The following SHANK2 variants were observed in gnomAD, a reference collection of about 807,000 sequenced individuals.
The protein encoded by SHANK2 is SH3 and multiple ankyrin repeat domains 2.
In SHANK2, 43 loss-of-function variants were observed where a neutral mutation model predicts 133.7. The observed-to-expected ratio is 0.32, with a 90% CI of 0.25 to 0.41. The LOEUF is 0.41. Among genes scored for constraint, SHANK2 ranks in the 10% least tolerant of loss-of-function variants. SHANK2 has a pLI of 1.00. For missense variants in SHANK2, 1,994 were observed against 2,235.8 expected, an observed-to-expected ratio of 0.89 and a Z score of 2.18; for synonymous variants, 1,017 against 952.8, an observed-to-expected ratio of 1.07 and a Z score of -1.24.
At chr11:71,073,142 C>CTTTTTTT (rs1951165821) in intron 9 of SHANK2, among the ~76,000 whole-genome samples, 2 of 41,132 alleles carry the variant, frequency 4.9e-5, no homozygotes, top group African/African-American at 9.1e-5. Flanking sequence ...TTTTCTTTTT[C>CTTTTTTT]TTTTCTTTTT....
Position 70,468,158 on chromosome 11 carries a change from CT to C in SHANK2, c.*4710del, listed in dbSNP as rs879982437. 5,086 of 146,958 alleles carry C rather than the reference CT, an allele frequency of 0.035. 224 individuals are homozygous for C. The highest frequency in any genetic ancestry group is 0.11 in the African/African-American group (4,535 of 40,282). 9.1% of individuals were successfully genotyped at this position (146,958 alleles called of 1,614,324 possible). A position where few individuals can be genotyped will look rare whatever the true frequency, so the allele number is the denominator to read the frequency against. On this transcript the variant is annotated 3_prime_UTR_variant, in exon 26 of 26. Coordinates refer to ENST00000601538, the MANE Select transcript of SHANK2 (RefSeq NM_012309.5). ...CAAGGCACACACTTTATTTTTTTTC[CT>C]TTTTTTTTTTCTTTTCTGTGTTTAT...
intron 3 of SHANK2, among the ~76,000 whole-genome samples, chr11:71,128,705 T>C (rs1418604508): frequency 1.3e-5 from 2 of 152,038 alleles, no homozygotes; most frequent in Non-Finnish European, 2.9e-5. Flanking sequence ...CATCTCTCTC[T>C]CCCCCGACAT....
At chr11:71,085,829 A>AT (rs1403983035) in intron 8 of SHANK2, among the ~76,000 whole-genome samples, 1,152 of 2,158 alleles carry the variant, frequency 0.53, 85 homozygotes, top group Admixed American at 0.55. Context: ...ATTATATAAT[A>AT]ATATTATACA....
At chr11:70,792,295 T>C (rs1393544817) in intron 14 of SHANK2, among the ~76,000 whole-genome samples, 13 of 137,252 alleles carry the variant, frequency 9.5e-5, no homozygotes, top group African/African-American at 1.7e-4. Flanking sequence ...AAGCAATCAA[T>C]CAACCAACCA....
chr11:70,609,799 C>T (rs188733727), intron 17 of SHANK2, among the ~76,000 whole-genome samples: 1 of 136,220 alleles, frequency 7.3e-6, no homozygotes, highest in African/African-American at 2.6e-5. Flanking sequence ...TATAGATATA[C>T]ATAATATATC....
intron 11 of SHANK2, among the ~76,000 whole-genome samples, chr11:70,871,248 G>A (rs1444906526): frequency 9.9e-5 from 15 of 152,224 alleles, no homozygotes; most frequent in Admixed American, 7.2e-4. Flanking sequence ...ACTTCAAAGG[G>A]GAGTCAGGGG....
At chr11:70,759,102 G>A (rs896842207) in intron 14 of SHANK2, among the ~76,000 whole-genome samples, 2 of 152,078 alleles carry the variant, frequency 1.3e-5, no homozygotes, top group African/African-American at 4.8e-5. Flanking sequence ...AGGTTGCAGT[G>A]AGCAGTGAGC....
intron 11 of SHANK2, chr11:70,863,922 G>A (rs373322959): frequency 4.5e-5 from 20 of 446,716 alleles, no homozygotes; most frequent in Non-Finnish European, 7.6e-5. Context: ...ACAGGCGTCC[G>A]CCCCCACAAC....
rs111266150 is a variant in SHANK2 at position 70,883,759 on chromosome 11, G to A, written c.1174+12742C>T. On this transcript the variant is annotated intron_variant, in intron 11 of 25. Coordinates refer to ENST00000601538, the MANE Select transcript of SHANK2 (RefSeq NM_012309.5). Reference sequence around the variant, plus strand: ...CAAGACCACGTGGAAACAAGACCCGGCCTCCACCTGGGCTAGGACATGTGC... The same window carrying A: ...CAAGACCACGTGGAAACAAGACCCGACCTCCACCTGGGCTAGGACATGTGC... Among the ~76,000 whole-genome samples, 967 of 152,322 alleles carry A rather than the reference G, an allele frequency of 6.3e-3. 13 individuals carry two copies. Among genetic ancestry groups the A allele is most frequent in the African/African-American group, 0.023 (936 of 41,566 alleles).
At chr11:70,829,210 A>C (rs1038029052) in intron 11 of SHANK2, among the ~76,000 whole-genome samples, 1 of 152,192 alleles carries the variant, frequency 6.6e-6, no homozygotes, top group Non-Finnish European at 1.5e-5. Context: ...CCAATGTCAA[A>C]TATGTCAAAG....
chr11:71,085,587 T>TTATAAAATA (rs1951371957), intron 8 of SHANK2, among the ~76,000 whole-genome samples: 17 of 30,576 alleles, frequency 5.6e-4, no homozygotes, highest in African/African-American at 1.7e-3. Context: ...ATATAATATA[T>TTATAAAATA]TATATAATAT....
At chr11:70,810,802 G>A (rs1415051079) in intron 12 of SHANK2, among the ~76,000 whole-genome samples, 4 of 152,158 alleles carry the variant, frequency 2.6e-5, no homozygotes, top group Non-Finnish European at 5.9e-5. Flanking sequence ...TCCCAGCCCC[G>A]CTGCAGCTCC....
At chr11:70,568,942 T>A (rs2060007259) in intron 17 of SHANK2, among the ~76,000 whole-genome samples, 1 of 152,144 alleles carries the variant, frequency 6.6e-6, no homozygotes, top group South Asian at 2.1e-4. Flanking sequence ...AGAGTGCAGC[T>A]GTGTGGCCAG....
chr11:70,497,379 G>T (rs947326072), intron 21 of SHANK2, among the ~76,000 whole-genome samples: 15 of 152,166 alleles, frequency 9.9e-5, no homozygotes, highest in Admixed American at 2.6e-4. Flanking sequence ...TGGATGAAGG[G>T]GATTAGTGAA....
chr11:70,782,780 G>A (rs1411169343), intron 14 of SHANK2, among the ~76,000 whole-genome samples: 4 of 152,198 alleles, frequency 2.6e-5, no homozygotes, highest in South Asian at 2.1e-4. Context: ...AAAGGTGCTC[G>A]GCCTCAGAAG....
At chr11:70,476,578 G>A (rs1166733076) in intron 25 of SHANK2, among the ~76,000 whole-genome samples, 1 of 152,134 alleles carries the variant, frequency 6.6e-6, no homozygotes, top group African/African-American at 2.4e-5. Context: ...TCAAATAATG[G>A]GTAAGTTGAA....
intron 2 of SHANK2, among the ~76,000 whole-genome samples, chr11:71,190,486 T>C (rs781913090): frequency 5.9e-5 from 9 of 152,072 alleles, no homozygotes; most frequent in Non-Finnish European, 1.3e-4. Context: ...TCTATACCAC[T>C]TCTCAGAAGA....
rs76505241 is a variant in SHANK2, at chr11:70,935,076, A to G, written c.1108-38509T>C. Among the ~76,000 whole-genome samples, 933 of 152,294 alleles carry G rather than the reference A, an allele frequency of 6.1e-3. 8 individuals carry two copies. The highest frequency in any genetic ancestry group is 0.021 in the African/African-American group (856 of 41,556). The stretch of plus-strand genomic sequence containing the variant: ...GTTACCTGCAGTCCAATGCAATCCG[A>G]AAATATGAAACAAAAAAAAATTCCA... On this transcript the variant is annotated intron_variant, in intron 10 of 25. Transcript: ENST00000601538.
chr11:70,683,704 T>G (rs1294401589), intron 15 of SHANK2, among the ~76,000 whole-genome samples: 1 of 152,090 alleles, frequency 6.6e-6, no homozygotes, highest in Non-Finnish European at 1.5e-5. Context: ...GCAGCAGGCA[T>G]TCCTTGTCTT....
Sources: gnomAD v4.1 joint callset for allele counts (sites outside exome capture counted in the v4.1 genomes callset) on GRCh38, gnomAD v4.1.1 for gene constraint, MANE v1.5 for transcripts, NCBI Gene and HGNC (gene_info 2026-07-23, HGNC 2026-07-21) for gene names.